Variants in FZD5 observed in about 807,000 individuals in gnomAD.
FZD5 encodes the protein frizzled-5.
FZD5 carries 12 observed loss-of-function variants against 40.8 expected under a neutral mutation model. That is an observed-to-expected ratio of 0.29 (90% CI 0.19 to 0.48). The LOEUF is 0.48. Ranked by LOEUF, FZD5 falls within the 20% of genes least tolerant of loss-of-function variation. The pLI is 0.99. For missense variants in FZD5, 622 were observed against 832.8 expected (o/e 0.75, Z 3.12); for synonymous variants, 380 against 383.7 (o/e 0.99, Z 0.11).
chr2:207,768,088 A>G lies in FZD5; in HGVS notation c.652T>C (p.Cys218Arg). The change falls in exon 2 of 2, where the codon TGC (cysteine) becomes CGC (arginine). Residue 218 changes from cysteine (C) to arginine (R), a missense_variant. Cys to Arg is a radical substitution (Grantham distance 180). Transcript: ENST00000295417. ...NKVRTGQVPN[C>R]AVPCYQPSFS... ...GACGGCTGGTAGCAGGGTACCGCGCAGTTGGGCACCTGGCCCGTCCGCACC... is the reference window on the plus strand; with the variant it reads ...GACGGCTGGTAGCAGGGTACCGCGCGGTTGGGCACCTGGCCCGTCCGCACC... 1 of 1,613,572 alleles carries G rather than the reference A, an allele frequency of 6.2e-7. No homozygotes were observed. The highest frequency in any genetic ancestry group is 1.1e-5 in the South Asian group (1 of 90,976).
rs1021446404 is a variant in FZD5, at chr2:207,763,621, T to G, written c.*3361A>C. 1.2e-4 allele frequency: 18 copies of G among 152,854 alleles called. No homozygotes were observed. The highest frequency in any genetic ancestry group is 4.3e-4 in the African/African-American group (18 of 41,582). 9.5% of individuals were successfully genotyped at this position (152,854 alleles called of 1,614,324 possible). On this transcript the variant is annotated 3_prime_UTR_variant, in exon 2 of 2. Coordinates refer to ENST00000295417, the MANE Select transcript of FZD5 (RefSeq NM_003468.4). ...TCTGTCCCTCCTACCCCCCTTGGGCTTTCTGTAGAGCACAAAAGTGAAAGA... is the reference window on the plus strand; with the variant it reads ...TCTGTCCCTCCTACCCCCCTTGGGCGTTCTGTAGAGCACAAAAGTGAAAGA...
chr2:207,767,507 G>T lies in FZD5; in HGVS notation c.1233C>A (p.Tyr411Ter). Residue 411 changes from tyrosine (Y) to a stop codon, truncating the protein, a stop_gained, in exon 2 of 2, where the codon TAC becomes TAA. Coordinates refer to ENST00000295417, the MANE Select transcript of FZD5 (RefSeq NM_003468.4). LOFTEE classifies it high-confidence loss of function. ...RGFVLGPLVL[Y>*]LLVGTLFLLA... ...GCAGGAAGAGCGTGCCCACCAGCAG[G>T]TAGAGCACCAGCGGGCCCAGCACGA... is the stretch of plus-strand genomic sequence containing the variant. 6.2e-7 allele frequency: 1 copy of T among 1,609,978 alleles called. No individual in the cohort carries two copies. Among genetic ancestry groups the T allele is most frequent in the Non-Finnish European group, 8.5e-7 (1 of 1,179,942 alleles).
At position 207,768,102 on chromosome 2, in the gene FZD5, C is replaced by T; in HGVS notation, c.638G>A (p.Gly213Asp). 1 of 1,613,270 alleles carries T rather than the reference C, an allele frequency of 6.2e-7. No homozygotes were observed. The highest frequency in any genetic ancestry group is 1.1e-5 in the South Asian group (1 of 90,962). Residue 213 changes from glycine to aspartate, a missense_variant, in exon 2 of 2, where the codon GGC (glycine) becomes GAC (aspartate). By Grantham distance (94) the Gly-to-Asp change is moderately conservative (BLOSUM62 -1). Coordinates refer to ENST00000295417, the MANE Select transcript of FZD5 (RefSeq NM_003468.4). ...GGGTACCGCGCAGTTGGGCACCTGG[C>T]CCGTCCGCACCTTGTTGTAGAGCGG... ...SHPLYNKVRT[G>D]QVPNCAVPCY...
Position 207,768,754 on chromosome 2 carries a change from C to A in FZD5, c.-15G>T. 6.5e-7 allele frequency: 1 copy of A among 1,529,620 alleles called. No individual in the cohort carries two copies. The highest frequency in any genetic ancestry group is 8.8e-7 in the Non-Finnish European group (1 of 1,137,412). The allele number at this position is 1,529,620 out of a possible 1,614,324, so 94.8% of individuals were successfully genotyped here. ...GGCCGAGCCATCGCCCCCTCCCTCC[C>A]CTCGCCTCCAGCAGCCCGCGAGGGA... is the stretch of plus-strand genomic sequence containing the variant. On this transcript the variant is annotated 5_prime_UTR_variant, in exon 2 of 2. Transcript: ENST00000295417.
chr2:207,767,769 A>G lies in FZD5; in HGVS notation c.971T>C (p.Phe324Ser), dbSNP rs774418665. 1 of 1,614,060 alleles carries G rather than the reference A, an allele frequency of 6.2e-7. No homozygotes were observed. Among genetic ancestry groups the G allele is most frequent in the East Asian group, 2.2e-5 (1 of 44,888 alleles). The change falls in exon 2 of 2, where the codon TTC becomes TCC. Residue 324 changes from phenylalanine to serine, a missense_variant. Phe to Ser is a radical substitution (Grantham distance 155). Around this residue, in one of 4 missense-constraint regions of FZD5, gnomAD observed 208 missense variants for 348.9 expected, o/e 0.60. Transcript: ENST00000295417. ...CCAGATGGAGCTGGCCATGCCGAAG[A>G]AGTAGACCAGGAGGAAGACGATGGT... ...LCTIVFLLVY[F>S]FGMASSIWWV...
rs2091986792 is a variant in FZD5, at chr2:207,767,603, G to A, written c.1137C>T (p.Ser379=). Residue 379 remains serine, a synonymous_variant, in exon 2 of 2, where the codon AGC becomes AGT. Transcript: ENST00000295417. ...SVKSITALAL[S]SVDGDPVAGI... ...CGGCCACTGGGTCCCCGTCCACGGAGCTCAGCGCCAGTGCCGTGATGGACT... is the reference window on the plus strand; with the variant it reads ...CGGCCACTGGGTCCCCGTCCACGGAACTCAGCGCCAGTGCCGTGATGGACT... The A allele has an allele frequency of 1.2e-6, 2 of 1,612,696 alleles. No homozygotes were observed. Among genetic ancestry groups the A allele is most frequent in the Non-Finnish European group, 1.7e-6 (2 of 1,179,806 alleles).
At position 207,768,964 on chromosome 2, in the gene FZD5, C is replaced by A. The variant is rs1395563069; in HGVS notation, c.-225G>T. ...CTCGCCGGATAGGGCTGGGGAGAGA[C>A]GGTTAGGGCTCGGATTCCAGGGAAA... On this transcript the variant is annotated 5_prime_UTR_variant, in exon 2 of 2. Transcript: ENST00000295417. The A allele has an allele frequency of 3.6e-6, 2 of 562,766 alleles. No homozygotes were observed. The highest frequency in any genetic ancestry group is 2.0e-5 in the African/African-American group (1 of 50,094). 34.9% of individuals were successfully genotyped at this position (562,766 alleles called of 1,614,324 possible).
rs1285665218 is a variant in FZD5, at chr2:207,763,023, C to T, written c.*3959G>A. 1 of 152,522 alleles carries T rather than the reference C, an allele frequency of 6.6e-6. No individual in the cohort carries two copies. The highest frequency in any genetic ancestry group is 1.5e-5 in the Non-Finnish European group (1 of 68,034). 9.4% of individuals were successfully genotyped at this position (152,522 alleles called of 1,614,324 possible). A position where few individuals can be genotyped will look rare whatever the true frequency, so the allele number is the denominator to read the frequency against. ...ACTTCTGGATTTAACATAACAGTGACTACAGCATGGGATAGGCACTATACA... is the reference window on the plus strand; with the variant it reads ...ACTTCTGGATTTAACATAACAGTGATTACAGCATGGGATAGGCACTATACA... On this transcript the variant is annotated 3_prime_UTR_variant, in exon 2 of 2. Transcript: ENST00000295417.
rs1454350961 is a variant in FZD5 at position 207,768,897 on chromosome 2, C to A, written c.-158G>T. ...TTAAAGAAAACCGTCCAAAGATAAACTGCTTCGGGAAGGCGCTGCCTCCGC... is the reference window on the plus strand; with the variant it reads ...TTAAAGAAAACCGTCCAAAGATAAAATGCTTCGGGAAGGCGCTGCCTCCGC... On this transcript the variant is annotated 5_prime_UTR_variant, in exon 2 of 2. Transcript: ENST00000295417. 7.8e-6 allele frequency: 5 copies of A among 640,076 alleles called. No individual in the cohort carries two copies. Among genetic ancestry groups the A allele is most frequent in the Non-Finnish European group, 1.1e-5 (4 of 367,584 alleles). 39.6% of individuals were successfully genotyped at this position (640,076 alleles called of 1,614,324 possible).
In FZD5 at chr2:207,766,059, A is replaced by G. The variant is rs1192240812; in HGVS notation, c.*923T>C. On this transcript the variant is annotated 3_prime_UTR_variant, in exon 2 of 2. Transcript: ENST00000295417. The stretch of plus-strand genomic sequence containing the variant: ...GGTTTATACTTTTACCAAAATTATA[A>G]CACAAGTTCCTTAAAAAAAAAAAAA... 6.9e-6 allele frequency: 1 copy of G among 144,538 alleles called. No individual in the cohort carries two copies. Among genetic ancestry groups the G allele is most frequent in the East Asian group, 2.1e-4 (1 of 4,854 alleles). 9.0% of individuals were successfully genotyped at this position (144,538 alleles called of 1,614,324 possible).
Position 207,768,948 on chromosome 2 carries a change from T to C in FZD5, c.-209A>G, listed in dbSNP as rs1386869113. ...TGGCAGCGCTCCGCTCCTCGCCGGA[T>C]AGGGCTGGGGAGAGACGGTTAGGGC... On this transcript the variant is annotated 5_prime_UTR_variant, in exon 2 of 2. Coordinates refer to ENST00000295417, the MANE Select transcript of FZD5 (RefSeq NM_003468.4). 2 of 594,762 alleles carry C rather than the reference T, an allele frequency of 3.4e-6. No homozygotes were observed. Among genetic ancestry groups the C allele is most frequent in the Non-Finnish European group, 6.1e-6 (2 of 328,570 alleles). The allele number at this position is 594,762 out of a possible 1,614,324, so 36.8% of individuals were successfully genotyped here.
Position 207,767,512 on chromosome 2 carries a change from G to A in FZD5, c.1228C>T (p.Leu410Phe). 4 of 1,609,614 alleles carry A rather than the reference G, an allele frequency of 2.5e-6. No homozygotes were observed. The highest frequency in any genetic ancestry group is 3.4e-6 in the Non-Finnish European group (4 of 1,179,908). Residue 410 changes from leucine to phenylalanine, a missense_variant, in exon 2 of 2, where the codon CTC becomes TTC. Around this residue, in one of 4 missense-constraint regions of FZD5, gnomAD observed 208 missense variants for 348.9 expected, o/e 0.60. Coordinates refer to ENST00000295417, the MANE Select transcript of FZD5 (RefSeq NM_003468.4). ...AAGAGCGTGCCCACCAGCAGGTAGAGCACCAGCGGGCCCAGCACGAAGCCG... is the reference window on the plus strand; with the variant it reads ...AAGAGCGTGCCCACCAGCAGGTAGAACACCAGCGGGCCCAGCACGAAGCCG... ...LRGFVLGPLVLYLLVGTLFLL... is the reference protein window; with the variant it reads ...LRGFVLGPLVFYLLVGTLFLL...
rs1221871793 is a variant in FZD5, at chr2:207,767,582, C to T, written c.1158G>A (p.Val386=). Residue 386 remains valine, a synonymous_variant, in exon 2 of 2, where the codon GTG becomes GTA. Transcript: ENST00000295417. The part of the protein sequence containing the change: ...LALSSVDGDP[V]AGICYVGNQN... Reference sequence around the variant, plus strand: ...GGTTGCCCACGTAGCAGATGCCGGCCACTGGGTCCCCGTCCACGGAGCTCA... The same window carrying T: ...GGTTGCCCACGTAGCAGATGCCGGCTACTGGGTCCCCGTCCACGGAGCTCA... The T allele has an allele frequency of 1.9e-6, 3 of 1,612,180 alleles. No individual in the cohort carries two copies. Among genetic ancestry groups the T allele is most frequent in the East Asian group, 4.5e-5 (2 of 44,878 alleles).
Position 207,768,944 on chromosome 2 carries a change from C to A in FZD5, c.-205G>T. On this transcript the variant is annotated 5_prime_UTR_variant, in exon 2 of 2. Coordinates refer to ENST00000295417, the MANE Select transcript of FZD5 (RefSeq NM_003468.4). ...CCGCTGGCAGCGCTCCGCTCCTCGCCGGATAGGGCTGGGGAGAGACGGTTA... is the reference window on the plus strand; with the variant it reads ...CCGCTGGCAGCGCTCCGCTCCTCGCAGGATAGGGCTGGGGAGAGACGGTTA... The A allele has an allele frequency of 3.4e-6, 2 of 596,382 alleles. No homozygotes were observed. The highest frequency in any genetic ancestry group is 2.1e-5 in the South Asian group (1 of 48,130). 36.9% of individuals were successfully genotyped at this position (596,382 alleles called of 1,614,324 possible).
At position 207,767,330 on chromosome 2, in the gene FZD5, G is replaced by A. The variant is rs1481612443; in HGVS notation, c.1410C>T (p.Tyr470=). 1 of 1,612,088 alleles carries A rather than the reference G, an allele frequency of 6.2e-7. No individual in the cohort carries two copies. Among genetic ancestry groups the A allele is most frequent in the South Asian group, 1.1e-5 (1 of 91,060 alleles). Residue 470 remains tyrosine (Y), a synonymous_variant, in exon 2 of 2, where the codon TAC becomes TAT. Coordinates refer to ENST00000295417, the MANE Select transcript of FZD5 (RefSeq NM_003468.4). ...PASIVVACYL[Y]EQHYRESWEA... ...CCCAGCTCTCGCGGTAGTGCTGCTC[G>A]TACAGGTAGCAGGCCACCACAATGC...
chr2:207,766,883 C>T lies in FZD5; in HGVS notation c.*99G>A. On this transcript the variant is annotated 3_prime_UTR_variant, in exon 2 of 2. Transcript: ENST00000295417. ...TCCAAGTCGCCGCGGGAGGGGGCAA[C>T]AGCACCATGAAGGTAAACGGAAGTG... The T allele has an allele frequency of 1.0e-6, 1 of 991,826 alleles. No homozygotes were observed. 61.4% of individuals were successfully genotyped at this position (991,826 alleles called of 1,614,324 possible).
Position 207,768,572 on chromosome 2 carries a change from G to T in FZD5, c.168C>A (p.Asn56Lys). 1 of 1,613,992 alleles carries T rather than the reference G, an allele frequency of 6.2e-7. No individual in the cohort carries two copies. Among genetic ancestry groups the T allele is most frequent in the Non-Finnish European group, 8.5e-7 (1 of 1,179,870 alleles). ...GGCCCGCCTCGTCCTGCGTGTCGTG[G>T]TTGAACTGGTTGGGCATGTGCGTCA... is the stretch of plus-strand genomic sequence containing the variant. ...YNLTHMPNQF[N>K]HDTQDEAGLE... Residue 56 changes from asparagine (N) to lysine (K), a missense_variant, in exon 2 of 2, where the codon AAC becomes AAA. This residue lies in a region of FZD5 where 144 missense variants were observed against 214.2 expected (regional missense o/e 0.67). Transcript: ENST00000295417.
At position 207,766,692 on chromosome 2, in the gene FZD5, T is replaced by C; in HGVS notation, c.*290A>G. ...AAGCCCCCAAAGCAAAGGTAAATTG[T>C]TGCCAAAATGCAACAAAGTTACAAA... On this transcript the variant is annotated 3_prime_UTR_variant, in exon 2 of 2. Coordinates refer to ENST00000295417, the MANE Select transcript of FZD5 (RefSeq NM_003468.4). 3.3e-6 allele frequency: 1 copy of C among 299,126 alleles called. No homozygotes were observed. The highest frequency in any genetic ancestry group is 6.1e-6 in the Non-Finnish European group (1 of 164,018). The allele number at this position is 299,126 out of a possible 1,614,324, so 18.5% of individuals were successfully genotyped here. A position where few individuals can be genotyped will look rare whatever the true frequency, so the allele number is the denominator to read the frequency against.
In FZD5 at chr2:207,766,114, A is replaced by C. The variant is rs1210079960; in HGVS notation, c.*868T>G. 1 of 149,870 alleles carries C rather than the reference A, an allele frequency of 6.7e-6. No homozygotes were observed. The highest frequency in any genetic ancestry group is 2.4e-5 in the African/African-American group (1 of 40,832). The allele number at this position is 149,870 out of a possible 1,614,324, so 9.3% of individuals were successfully genotyped here. On this transcript the variant is annotated 3_prime_UTR_variant, in exon 2 of 2. Transcript: ENST00000295417. ...AAAAAAAAGGGGATCACTGAAGCTT[A>C]AGAACCACCCACTACCTCTCAGGCA...
Sources: allele counts gnomAD v4.1 joint callset, GRCh38; gene constraint gnomAD v4.1.1; regional missense constraint gnomAD v4.1.1; transcripts MANE v1.5; gene names NCBI Gene and HGNC (gene_info 2026-07-23, HGNC 2026-07-21).